C13orf42: variants seen among roughly 807,000 people sequenced by gnomAD.
C13orf42 encodes the protein chromosome 13 open reading frame 42, also known as uncharacterized protein C13orf42.
In C13orf42 at chr13:51,125,012, C is replaced by G. The variant is rs530072938; in HGVS notation, n.137-11790G>C. Among the ~76,000 whole-genome samples the G allele has an allele frequency of 2.6e-5, 4 of 152,234 alleles. No individual in the cohort carries two copies. In the South Asian group the frequency reaches 8.3e-4, roughly 32 times the overall value. ...GTTACATTTACTCTGTAAGCAAGCC[C>G]TCTATGTAAGGTTTACTAGTGTTTT... On this transcript the variant is annotated intron_variant and non_coding_transcript_variant, in intron 1 of 4. Transcript: ENST00000433280.
At chr13:51,099,791 C>T (rs567258552) in intron 1 of C13orf42, among the ~76,000 whole-genome samples, 3 of 152,328 alleles carry the variant, frequency 2.0e-5, no homozygotes, top group Non-Finnish European at 4.4e-5. Context: ...TGAGCCACCT[C>T]ACCTGGCCCA....
intron 1 of C13orf42, among the ~76,000 whole-genome samples, chr13:51,110,152 G>T (rs773206016): frequency 6.6e-6 from 1 of 152,172 alleles, no homozygotes; most frequent in African/African-American, 2.4e-5. Flanking sequence ...TTTGGCTTGC[G>T]TGGGGCTAAG....
intron 1 of C13orf42, among the ~76,000 whole-genome samples, chr13:51,091,708 G>A (rs1156737298): frequency 6.6e-6 from 1 of 152,006 alleles, no homozygotes; most frequent in Non-Finnish European, 1.5e-5. Flanking sequence ...CACTCTACAG[G>A]GACCCGAACA....
chr13:51,109,876 A>G (rs956321504), intron 1 of C13orf42, among the ~76,000 whole-genome samples: 2 of 152,214 alleles, frequency 1.3e-5, no homozygotes, highest in Non-Finnish European at 2.9e-5. Flanking sequence ...CCCTTCTGTG[A>G]TACTGAAGGA....
chr13:51,148,945 T>G (rs1953758082), intron 1 of C13orf42, among the ~76,000 whole-genome samples: 1 of 152,180 alleles, frequency 6.6e-6, no homozygotes, highest in Non-Finnish European at 1.5e-5. Context: ...GGCTTCCCTT[T>G]ACTCTGCAGA....
chr13:51,161,866 T>A, intron 1 of C13orf42: 1 of 468,970 alleles, frequency 2.1e-6, no homozygotes, highest in South Asian at 1.7e-5. Context: ...CCCCAAAAAC[T>A]TTATTGTCAG....
intron 1 of C13orf42, among the ~76,000 whole-genome samples, chr13:51,118,719 G>C (rs1198426688): frequency 1.3e-5 from 2 of 152,164 alleles, no homozygotes; most frequent in African/African-American, 4.8e-5. Context: ...CATACATCCA[G>C]TTTGTCTACT....
upstream of C13orf42, among the ~76,000 whole-genome samples, chr13:51,112,249 C>T (rs1386915818): frequency 1.3e-5 from 2 of 152,152 alleles, no homozygotes; most frequent in Non-Finnish European, 2.9e-5. Context: ...CAGGCATTTT[C>T]TTAAGCTATG....
upstream of C13orf42, among the ~76,000 whole-genome samples, chr13:51,112,007 TG>T (rs1188669274): frequency 6.6e-6 from 1 of 152,258 alleles, no homozygotes; most frequent in Non-Finnish European, 1.5e-5. Flanking sequence ...GCCACATTTG[TG>T]GGGCAGACAC....
chr13:51,105,239 G>C (rs1050145356), intron 1 of C13orf42, among the ~76,000 whole-genome samples: 15 of 152,206 alleles, frequency 9.9e-5, no homozygotes, highest in African/African-American at 2.7e-4. Context: ...TCACTAAGAT[G>C]CAGTTCAGGA....
chr13:51,127,331 G>T (rs893378434), intron 1 of C13orf42, among the ~76,000 whole-genome samples: 1 of 152,172 alleles, frequency 6.6e-6, no homozygotes, highest in South Asian at 2.1e-4. Flanking sequence ...GCAACGAGGA[G>T]GTAGATATTA....
chr13:51,145,821 G>A (rs1593551251), intron 1 of C13orf42, among the ~76,000 whole-genome samples: 2 of 152,116 alleles, frequency 1.3e-5, no homozygotes, highest in African/African-American at 4.8e-5. Flanking sequence ...TTTCCAGACC[G>A]AACCAATGTA....
At chr13:51,127,783 C>T (rs1953588133) in intron 1 of C13orf42, among the ~76,000 whole-genome samples, 1 of 152,100 alleles carries the variant, frequency 6.6e-6, no homozygotes, top group South Asian at 2.1e-4. Context: ...AGAACAAATG[C>T]TGTATTATTC....
chr13:51,108,130 A>C (rs1285959422), intron 1 of C13orf42, among the ~76,000 whole-genome samples: 2 of 152,080 alleles, frequency 1.3e-5, no homozygotes, highest in Non-Finnish European at 2.9e-5. Flanking sequence ...CTGTGTCCTC[A>C]CATGGCCATC....
chr13:51,157,667 T>C (rs1233023138), intron 1 of C13orf42, among the ~76,000 whole-genome samples: 3 of 152,096 alleles, frequency 2.0e-5, no homozygotes, highest in Non-Finnish European at 4.4e-5. Flanking sequence ...CCTTTGTTCC[T>C]TACTGCACCC....
At chr13:51,116,968 T>C (rs1953497094) in intron 1 of C13orf42, among the ~76,000 whole-genome samples, 2 of 152,224 alleles carry the variant, frequency 1.3e-5, no homozygotes, top group Non-Finnish European at 1.5e-5. Context: ...AACTAGGAAC[T>C]AGCACCCTGG....
intron 1 of C13orf42, among the ~76,000 whole-genome samples, chr13:51,134,261 G>A (rs1295125536): frequency 6.6e-6 from 1 of 152,018 alleles, no homozygotes; most frequent in African/African-American, 2.4e-5. Flanking sequence ...ACTCACTCAG[G>A]GTTCAACATA....
At chr13:51,155,215 A>C (rs1953815434) in intron 1 of C13orf42, among the ~76,000 whole-genome samples, 1 of 152,240 alleles carries the variant, frequency 6.6e-6, no homozygotes, top group Non-Finnish European at 1.5e-5. Flanking sequence ...CTAAACATTT[A>C]AAGATTGCAA....
At chr13:51,107,167 G>A (rs1953366792) in intron 1 of C13orf42, among the ~76,000 whole-genome samples, 1 of 152,142 alleles carries the variant, frequency 6.6e-6, no homozygotes, top group Non-Finnish European at 1.5e-5. Context: ...GGGGGCTGGG[G>A]TAACAGACCA....
Sources: allele counts gnomAD v4.1 joint callset (sites outside exome capture counted in the v4.1 genomes callset), GRCh38; gene constraint gnomAD v4.1.1; transcripts MANE v1.5; gene names NCBI Gene and HGNC (gene_info 2026-07-23, HGNC 2026-07-21).